DIXDC1: variants seen among roughly 807,000 people sequenced by gnomAD.
DIXDC1 encodes the protein dixin.
A neutral mutation model predicts 103.1 loss-of-function variants in DIXDC1; 64 were observed. The ratio of observed to expected loss-of-function variants is 0.62; its 90% CI spans 0.51 to 0.76. The LOEUF is 0.76. Among genes scored for constraint, DIXDC1 ranks in the 30% least tolerant of loss-of-function variants. The probability of loss-of-function intolerance (pLI) is 0.00; values close to 1 mark genes in which losing one functional copy is unlikely to be tolerated. For missense variants in DIXDC1, 759 were observed against 834.2 expected, an observed-to-expected ratio of 0.91 and a Z score of 1.11; for synonymous variants, 266 against 298.5, an observed-to-expected ratio of 0.89 and a Z score of 1.12.
In DIXDC1 at chr11:111,974,258, AG is replaced by A. The variant is rs1417847657; in HGVS notation, c.548+7del. On this transcript the variant is annotated splice_donor_5th_base_variant and intron_variant, in intron 4 of 19. Coordinates refer to ENST00000440460, the MANE Select transcript of DIXDC1 (RefSeq NM_001037954.4). ...ATGTCTTTCGATATAGACAGAGGTAAGGGTAGAAATCTGGGGGTGGGAACTG... is the reference window on the plus strand; with the variant it reads ...ATGTCTTTCGATATAGACAGAGGTAAGGTAGAAATCTGGGGGTGGGAACTG... 1.9e-5 allele frequency: 30 copies of A among 1,610,550 alleles called. No homozygotes were observed. Among genetic ancestry groups the A allele is most frequent in the Admixed American group, 6.7e-5 (4 of 59,484 alleles).
intron 17 of DIXDC1, among the ~76,000 whole-genome samples, chr11:112,008,467 T>C (rs1394099128): frequency 6.6e-6 from 1 of 152,186 alleles, no homozygotes; most frequent in African/African-American, 2.4e-5. Context: ...CTAATAGACA[T>C]CTACAGAACT....
At chr11:111,947,700 G>A (rs587658098) in intron 1 of DIXDC1, among the ~76,000 whole-genome samples, 1 of 152,314 alleles carries the variant, frequency 6.6e-6, no homozygotes, top group East Asian at 1.9e-4. Context: ...CTTCACCTGT[G>A]GATAAGACTA....
intron 17 of DIXDC1, among the ~76,000 whole-genome samples, chr11:112,004,992 A>G (rs1202020521): frequency 6.6e-6 from 1 of 152,224 alleles, no homozygotes; most frequent in Admixed American, 6.5e-5. Context: ...AGAGCAAGAG[A>G]AAAACGAAGC....
chr11:112,000,781 G>C (rs1222053741), intron 17 of DIXDC1, among the ~76,000 whole-genome samples: 2 of 151,930 alleles, frequency 1.3e-5, no homozygotes, highest in Non-Finnish European at 2.9e-5. Flanking sequence ...ACCACAGTGA[G>C]ATACCACTTT....
intron 3 of DIXDC1, among the ~76,000 whole-genome samples, chr11:111,971,509 T>C (rs1416276397): frequency 6.6e-6 from 1 of 152,208 alleles, no homozygotes; most frequent in East Asian, 1.9e-4. Context: ...TTGGTGGGAA[T>C]GTAACTTTGT....
At chr11:111,968,785 A>T in intron 3 of DIXDC1, 147 bp downstream of exon 3, 3 of 1,095,520 alleles carry the variant, frequency 2.7e-6, no homozygotes, top group Non-Finnish European at 3.6e-6. Context: ...CATGATTATT[A>T]TTTTTTGCGA....
At chr11:111,937,713 A>G (rs952849602) in intron 1 of DIXDC1, among the ~76,000 whole-genome samples, 154 bp downstream of exon 1, 1 of 152,228 alleles carries the variant, frequency 6.6e-6, no homozygotes, top group Non-Finnish European at 1.5e-5. Flanking sequence ...CTTACGGTGC[A>G]GATGGGTGAA....
At position 112,017,902 on chromosome 11, in the gene DIXDC1, G is replaced by T; in HGVS notation, c.1971+17G>T. ...AAAGAGGAGGTAAAGAATCTGTGGG[G>T]AGTCTGTATGGTATTATTGGTCCTT... On this transcript the variant is annotated intron_variant, in intron 19 of 19. Coordinates refer to ENST00000440460, the MANE Select transcript of DIXDC1 (RefSeq NM_001037954.4). This position sits in a 1 kb window ranked among gnomAD's most constrained non-coding sequence, Gnocchi z 4.0. 6.3e-7 allele frequency: 1 copy of T among 1,581,080 alleles called. No individual in the cohort carries two copies. Among genetic ancestry groups the T allele is most frequent in the Non-Finnish European group, 8.6e-7 (1 of 1,158,380 alleles).
intron 2 of DIXDC1, 42 bp from the exon 3 acceptor site, chr11:111,968,471 T>C: frequency 6.3e-7 from 1 of 1,597,238 alleles, no homozygotes; most frequent in Non-Finnish European, 8.5e-7. Flanking sequence ...ACTTTGATAA[T>C]ATTCCTCCCT....
At chr11:111,982,158 C>T in intron 6 of DIXDC1, 181 bp from the exon 7 acceptor site, 1 of 555,808 alleles carries the variant, frequency 1.8e-6, no homozygotes. Flanking sequence ...GAGCCTGAGG[C>T]CTGAGCTCAC....
intron 1 of DIXDC1, among the ~76,000 whole-genome samples, chr11:111,953,723 A>G (rs1966856809): frequency 6.6e-6 from 1 of 152,226 alleles, no homozygotes; most frequent in South Asian, 2.1e-4. Context: ...ACTGTATTAT[A>G]AATGAATAAT....
chr11:111,955,216 GT>G (rs1735148956), intron 1 of DIXDC1, among the ~76,000 whole-genome samples: 1 of 151,402 alleles, frequency 6.6e-6, no homozygotes, highest in South Asian at 2.1e-4. Context: ...TGCACCTGTA[GT>G]TTCAGCTACT....
At position 112,017,333 on chromosome 11, in the gene DIXDC1, CTTAT is replaced by C. The variant is rs1861623802; in HGVS notation, c.1863-440_1863-437del. On this transcript the variant is annotated intron_variant, in intron 18 of 19. Transcript: ENST00000440460. This position sits in a 1 kb window ranked among gnomAD's most constrained non-coding sequence, Gnocchi z 4.0. ...TATAGGATTTTTCTTACTTAGTCTG[CTTAT>C]TTAGTCTGGGTTAGAAGCCAGCTTC... Among the ~76,000 whole-genome samples the C allele has an allele frequency of 6.6e-6, 1 of 152,120 alleles. No individual in the cohort carries two copies. The highest frequency in any genetic ancestry group is 2.1e-4 in the South Asian group (1 of 4,834).
At chr11:111,944,972 G>T (rs1555169221) in intron 1 of DIXDC1, among the ~76,000 whole-genome samples, 1 of 152,144 alleles carries the variant, frequency 6.6e-6, no homozygotes. Flanking sequence ...AACTGTCTTG[G>T]TCTTTTTTAA....
chr11:111,951,869 C>CTTTT (rs35155467), intron 1 of DIXDC1, among the ~76,000 whole-genome samples: 5 of 143,306 alleles, frequency 3.5e-5, no homozygotes, highest in Admixed American at 1.4e-4. Context: ...TCCATTAAAA[C>CTTTT]TTTTTTTTTT....
At chr11:111,975,684 A>G in intron 5 of DIXDC1, 1 of 985,680 alleles carries the variant, frequency 1.0e-6, no homozygotes, top group Non-Finnish European at 1.2e-6. Context: ...CTGAATCATA[A>G]TTTATGCTCT....
chr11:111,967,059 A>G (rs1032747602), intron 2 of DIXDC1, among the ~76,000 whole-genome samples: 9 of 151,890 alleles, frequency 5.9e-5, no homozygotes, highest in Non-Finnish European at 1.2e-4. Flanking sequence ...GGCTCCTTTC[A>G]TTTTTTTGTT....
At chr11:111,999,461 A>G (rs1296060808) in intron 17 of DIXDC1, among the ~76,000 whole-genome samples, 1 of 152,250 alleles carries the variant, frequency 6.6e-6, no homozygotes, top group Non-Finnish European at 1.5e-5. Context: ...CTTAAATGTA[A>G]GAGCTTAAAG....
intron 17 of DIXDC1, among the ~76,000 whole-genome samples, chr11:112,008,507 CT>C (rs1251991381): frequency 6.6e-6 from 1 of 152,196 alleles, no homozygotes; most frequent in Non-Finnish European, 1.5e-5. Context: ...AATATACATT[CT>C]TCTTAGCACC....
Sources: allele counts gnomAD v4.1 joint callset (sites outside exome capture counted in the v4.1 genomes callset), GRCh38; gene constraint gnomAD v4.1.1; non-coding constraint Gnocchi (gnomAD v3.1); transcripts MANE v1.5; gene names NCBI Gene and HGNC (gene_info 2026-07-23, HGNC 2026-07-21).